The following KLF12 variants were observed in gnomAD, a reference collection of about 807,000 sequenced individuals.
The protein encoded by KLF12 is Krueppel-like factor 12.
Under a neutral mutation model 37.8 loss-of-function variants are expected in KLF12, and 9 were observed. That is an observed-to-expected ratio of 0.24 (90% CI 0.14 to 0.42). The LOEUF is 0.42. Ranked by LOEUF, KLF12 falls within the 10% of genes least tolerant of loss-of-function variation. KLF12 has a pLI of 1.00. For synonymous variants in KLF12, 208 were observed against 202.1 expected, an observed-to-expected ratio of 1.03 and a Z score of -0.25; for missense variants, 411 against 516.0, an observed-to-expected ratio of 0.80 and a Z score of 1.97.
chr13:73,867,926 C>G (rs553608244), intron 3 of KLF12, among the ~76,000 whole-genome samples: 1 of 151,006 alleles, frequency 6.6e-6, no homozygotes, highest in South Asian at 2.1e-4. Flanking sequence ...GAGGTTGAGG[C>G]AGGAGAATCG....
chr13:74,136,238 G>A (rs150081361), upstream of KLF12, among the ~76,000 whole-genome samples: 517 of 152,304 alleles, frequency 3.4e-3, 1 homozygote, highest in Non-Finnish European at 4.6e-3. Flanking sequence ...GGGGTGAGGG[G>A]TTGGTGGTTG....
the KLF12 span, among the ~76,000 whole-genome samples, chr13:74,139,001 A>G: frequency 6.6e-6 from 1 of 152,222 alleles, no homozygotes; most frequent in African/African-American, 2.4e-5. Flanking sequence ...CCAAAAAGTT[A>G]TCTTTCCCTT....
rs577329295 is a variant in KLF12 at position 73,817,640 on chromosome 13, C to T, written c.671-4353G>A. Among the ~76,000 whole-genome samples the T allele has an allele frequency of 6.6e-5, 10 of 152,292 alleles. No homozygotes were observed. In the East Asian group the frequency reaches 1.2e-3, roughly 18 times the overall value. On this transcript the variant is annotated intron_variant, in intron 4 of 7. Coordinates refer to ENST00000377669, the MANE Select transcript of KLF12 (RefSeq NM_007249.5). ...AACCTAACTTGACGTGGAAACAGACCGTAACCTCCTCTTGCAACAAGTAGC... is the reference window on the plus strand; with the variant it reads ...AACCTAACTTGACGTGGAAACAGACTGTAACCTCCTCTTGCAACAAGTAGC...
At chr13:73,767,356 A>G (rs927107703) in intron 5 of KLF12, among the ~76,000 whole-genome samples, 1 of 152,232 alleles carries the variant, frequency 6.6e-6, no homozygotes, top group African/African-American at 2.4e-5. Context: ...GCATCTAGGC[A>G]GGAAGCTTGC....
intron 1 of KLF12, among the ~76,000 whole-genome samples, chr13:74,082,405 C>T (rs895980626): frequency 2.0e-5 from 3 of 152,160 alleles, no homozygotes; most frequent in East Asian, 3.8e-4. Context: ...CTATACTATA[C>T]TACTTATACT....
At chr13:73,844,131 T>C (rs1884892200) in intron 4 of KLF12, among the ~76,000 whole-genome samples, 1 of 152,142 alleles carries the variant, frequency 6.6e-6, no homozygotes, top group African/African-American at 2.4e-5. Flanking sequence ...AATTTTTATC[T>C]TATTTTACAA....
At chr13:74,226,479 G>C in the KLF12 span, among the ~76,000 whole-genome samples, 1 of 152,100 alleles carries the variant, frequency 6.6e-6, no homozygotes, top group African/African-American at 2.4e-5. Context: ...CATCCATGTG[G>C]GCATGCCCAT....
intron 3 of KLF12, among the ~76,000 whole-genome samples, chr13:73,899,104 C>CCCAGTTGG (rs1410202382): frequency 6.6e-6 from 1 of 152,234 alleles, no homozygotes; most frequent in Non-Finnish European, 1.5e-5. Context: ...CAGGAGGCCC[C>CCCAGTTGG]CCAGTTGGGG....
intron 4 of KLF12, among the ~76,000 whole-genome samples, chr13:73,840,274 T>A (rs1884669087): frequency 6.6e-6 from 1 of 152,148 alleles, no homozygotes; most frequent in Admixed American, 6.6e-5. Context: ...GACTCTTGCA[T>A]CCCTCTTCAC....
At chr13:73,984,176 C>A (rs1187250664) in intron 2 of KLF12, among the ~76,000 whole-genome samples, 1 of 152,186 alleles carries the variant, frequency 6.6e-6, no homozygotes, top group African/African-American at 2.4e-5. Flanking sequence ...TGGATTTGAA[C>A]TATCTCAACT....
the KLF12 span, among the ~76,000 whole-genome samples, chr13:74,143,290 T>C: frequency 6.6e-6 from 1 of 152,180 alleles, no homozygotes; most frequent in Non-Finnish European, 1.5e-5. Flanking sequence ...GGTTTTTACA[T>C]TTTATCCAGT....
chr13:74,140,321 G>A, the KLF12 span, among the ~76,000 whole-genome samples: 2 of 152,024 alleles, frequency 1.3e-5, no homozygotes, highest in Non-Finnish European at 2.9e-5. Context: ...CCATAAGTTC[G>A]AAACCAGCCT....
chr13:73,825,642 C>T (rs1210440609), intron 4 of KLF12, among the ~76,000 whole-genome samples: 1 of 152,094 alleles, frequency 6.6e-6, no homozygotes, highest in African/African-American at 2.4e-5. Context: ...CTTGAGGTTG[C>T]TGTGTGTAGT....
At chr13:73,719,034 A>G (rs1321376303) in intron 6 of KLF12, among the ~76,000 whole-genome samples, 1 of 152,242 alleles carries the variant, frequency 6.6e-6, no homozygotes, top group Non-Finnish European at 1.5e-5. Context: ...ATGACATTCA[A>G]TGGGTAGATT....
intron 1 of KLF12, among the ~76,000 whole-genome samples, chr13:74,087,936 T>C (rs991968320): frequency 6.6e-6 from 1 of 152,134 alleles, no homozygotes; most frequent in Non-Finnish European, 1.5e-5. Flanking sequence ...TGCACTCAAG[T>C]GCATTCTTAA....
chr13:73,810,444 C>CTTTAT (rs1252192527), intron 5 of KLF12, among the ~76,000 whole-genome samples: 2 of 151,748 alleles, frequency 1.3e-5, no homozygotes, highest in Non-Finnish European at 1.5e-5. Flanking sequence ...TTTTATTTTA[C>CTTTAT]TTTATTTTAT....
intron 1 of KLF12, among the ~76,000 whole-genome samples, chr13:74,021,842 C>A (rs1406566207): frequency 6.6e-6 from 1 of 152,140 alleles, no homozygotes; most frequent in Non-Finnish European, 1.5e-5. Context: ...TACACAAGAA[C>A]TTCGGATAGC....
chr13:73,849,587 C>T (rs1451788812), intron 3 of KLF12, among the ~76,000 whole-genome samples: 5 of 151,770 alleles, frequency 3.3e-5, no homozygotes, highest in African/African-American at 4.8e-5. Flanking sequence ...AGAGGAGATA[C>T]GGGGTATGCC....
At chr13:73,748,515 TTC>T (rs201717303) in intron 6 of KLF12, among the ~76,000 whole-genome samples, 1,732 of 152,222 alleles carry the variant, frequency 0.011, 12 homozygotes, top group South Asian at 0.035. Flanking sequence ...CAAAGTTCTC[TTC>T]TCTCTCCACT....
Sources: gnomAD v4.1 joint callset for allele counts (sites outside exome capture counted in the v4.1 genomes callset) on GRCh38, gnomAD v4.1.1 for gene constraint, MANE v1.5 for transcripts, NCBI Gene and HGNC (gene_info 2026-07-23, HGNC 2026-07-21) for gene names.